Variants in MIX23 observed in about 807,000 individuals in gnomAD.
The protein encoded by MIX23 is protein MIX23.
MIX23 carries 13 observed loss-of-function variants against 21.6 expected under a neutral mutation model. The ratio of observed to expected loss-of-function variants is 0.60; its 90% confidence interval spans 0.39 to 0.96. The LOEUF (loss-of-function observed/expected upper bound fraction) is 0.96, where lower values mean the gene tolerates loss of function less well. Among genes scored for constraint, MIX23 ranks in the 40% least tolerant of loss-of-function variants. The pLI is 0.00. For synonymous variants in MIX23, 59 were observed against 58.0 expected (o/e 1.02, Z -0.08); for missense variants, 144 against 171.2 (o/e 0.84, Z 0.89).
At chr3:122,370,479 A>AAAAAAAAG (rs2075433003) in intron 2 of MIX23, among the ~76,000 whole-genome samples, 1 of 151,444 alleles carries the variant, frequency 6.6e-6, no homozygotes, top group Non-Finnish European at 1.5e-5. Flanking sequence ...AAAAAAAAAA[A>AAAAAAAAG]AACTGAGGCA....
chr3:122,375,193 T>C (rs919209346), intron 1 of MIX23, among the ~76,000 whole-genome samples: 1 of 152,124 alleles, frequency 6.6e-6, no homozygotes, highest in Non-Finnish European at 1.5e-5. Context: ...TAGTTGGACT[T>C]AGGATATATT....
At chr3:122,379,654 A>C (rs547317981) in intron 1 of MIX23, among the ~76,000 whole-genome samples, 63 of 152,360 alleles carry the variant, frequency 4.1e-4, no homozygotes, top group African/African-American at 1.4e-3. Context: ...TGAACAGAAC[A>C]GACATTATAC....
At chr3:122,376,946 A>G (rs2075492183) in intron 1 of MIX23, among the ~76,000 whole-genome samples, 1 of 152,160 alleles carries the variant, frequency 6.6e-6, no homozygotes, top group Non-Finnish European at 1.5e-5. Flanking sequence ...GCACTTTGGG[A>G]GGCTGAGGTG....
intron 4 of MIX23, among the ~76,000 whole-genome samples, chr3:122,362,620 T>C (rs1271312606): frequency 2.0e-5 from 3 of 152,088 alleles, no homozygotes; most frequent in Non-Finnish European, 4.4e-5. Context: ...TAGCTGGGAT[T>C]ACAGGCTCAT....
chr3:122,366,058 A>G (rs1355359117), intron 3 of MIX23, among the ~76,000 whole-genome samples: 1 of 151,848 alleles, frequency 6.6e-6, no homozygotes, highest in Non-Finnish European at 1.5e-5. Flanking sequence ...GGCACCTGTA[A>G]CCCCAGCTAC....
chr3:122,370,396 G>A (rs1449843228), intron 2 of MIX23, among the ~76,000 whole-genome samples: 5 of 137,294 alleles, frequency 3.6e-5, no homozygotes, highest in South Asian at 4.7e-4. Flanking sequence ...GGTGGAGGCT[G>A]CACTGAGCTG....
In MIX23 at chr3:122,363,034, G is replaced by GAAA; in HGVS notation, c.325-10_325-8dup. 6.2e-6 allele frequency: 8 copies of GAAA among 1,300,446 alleles called. No individual in the cohort carries two copies. The highest frequency in any genetic ancestry group is 8.3e-6 in the Non-Finnish European group (8 of 963,914). 80.6% of individuals were successfully genotyped at this position (1,300,446 alleles called of 1,614,324 possible). A position where few individuals can be genotyped will look rare whatever the true frequency, so the allele number is the denominator to read the frequency against. On this transcript the variant is annotated splice_polypyrimidine_tract_variant and splice_region_variant and intron_variant, in intron 3 of 4. Coordinates refer to ENST00000291458, the MANE Select transcript of MIX23 (RefSeq NM_001017928.4). ...CTGACTGCATCCATTTCAACTGCAA[G>GAAA]AAAAAAAAAAATTGAAGTTATAAAA... is the stretch of plus-strand genomic sequence containing the variant.
intron 4 of MIX23, 32 bp downstream of exon 4, chr3:122,362,936 A>C: frequency 6.3e-7 from 1 of 1,588,812 alleles, no homozygotes; most frequent in Non-Finnish European, 8.6e-7. Flanking sequence ...TTTCCCTCCT[A>C]CTTCTTTCCA....
At chr3:122,371,870 A>G in intron 1 of MIX23, 70 bp from the exon 2 acceptor site, 1 of 1,320,984 alleles carries the variant, frequency 7.6e-7, no homozygotes, top group East Asian at 2.4e-5. Context: ...GCATTTAAGT[A>G]AAAAATAAAG....
At chr3:122,370,829 A>T (rs1221367382) in intron 2 of MIX23, among the ~76,000 whole-genome samples, 1 of 152,216 alleles carries the variant, frequency 6.6e-6, no homozygotes, top group Non-Finnish European at 1.5e-5. Flanking sequence ...TGATTTTCTC[A>T]AAGAAGACTT....
In MIX23 at chr3:122,382,466, A is replaced by G. The variant is rs372522168; in HGVS notation, c.51+708T>C. On this transcript the variant is annotated intron_variant, in intron 1 of 4. Transcript: ENST00000291458. Reference sequence around the variant, plus strand: ...GTATCTTGGGTTAGTTAATAATGCAATACATATTTAAGATCATGATTTTGG... The same window carrying G: ...GTATCTTGGGTTAGTTAATAATGCAGTACATATTTAAGATCATGATTTTGG... Among the ~76,000 whole-genome samples, 10 of 152,356 alleles carry G rather than the reference A, an allele frequency of 6.6e-5. 1 individual carries two copies. The highest frequency in any genetic ancestry group is 3.9e-4 in the East Asian group (2 of 5,194).
chr3:122,374,541 G>A (rs950971236), intron 1 of MIX23, among the ~76,000 whole-genome samples: 1 of 152,160 alleles, frequency 6.6e-6, no homozygotes, highest in Non-Finnish European at 1.5e-5. Context: ...ACTGTATTGT[G>A]TAGGGTATGA....
In MIX23 at chr3:122,368,428, A is replaced by C. The variant is rs147014201; in HGVS notation, c.178-106T>G. ...AGACTATAGAAATTCAATACTTTCT[A>C]AAACAATTTCTGACGACTGAAACCA... On this transcript the variant is annotated intron_variant, in intron 2 of 4. Transcript: ENST00000291458. 254 of 1,139,512 alleles carry C rather than the reference A, an allele frequency of 2.2e-4. No homozygotes were observed. The African/African-American group carries it at 3.7e-3, about 17-fold the overall frequency. The allele number at this position is 1,139,512 out of a possible 1,614,324, so 70.6% of individuals were successfully genotyped here. A position where few individuals can be genotyped will look rare whatever the true frequency, so the allele number is the denominator to read the frequency against.
intron 4 of MIX23, among the ~76,000 whole-genome samples, chr3:122,361,462 C>T (rs763099962): frequency 1.8e-4 from 27 of 152,264 alleles, no homozygotes; most frequent in Non-Finnish European, 2.8e-4. Context: ...AAATGATTTC[C>T]TATCCACTTC....
intron 3 of MIX23, among the ~76,000 whole-genome samples, chr3:122,365,092 G>A (rs978432996): frequency 6.6e-6 from 1 of 152,164 alleles, no homozygotes; most frequent in Non-Finnish European, 1.5e-5. Flanking sequence ...TTGTCTTTGA[G>A]ACTGTAGGTC....
At chr3:122,368,090 G>T in intron 3 of MIX23, 86 bp downstream of exon 3, 1 of 1,293,694 alleles carries the variant, frequency 7.7e-7, no homozygotes, top group Non-Finnish European at 1.1e-6. Flanking sequence ...CATATTATAT[G>T]CCAAAATTTT....
chr3:122,372,488 GAACAAC>G (rs912845080), intron 1 of MIX23, among the ~76,000 whole-genome samples: 5 of 151,868 alleles, frequency 3.3e-5, no homozygotes, highest in African/African-American at 7.2e-5. Flanking sequence ...ACAAGAACAA[GAACAAC>G]AACAACAACA....
chr3:122,376,112 G>A lies in MIX23; in HGVS notation c.52-4312C>T, dbSNP rs988020397. On this transcript the variant is annotated intron_variant, in intron 1 of 4. Transcript: ENST00000291458. ...AGGGAGGCAGAGGTTGCAGTGAGCC[G>A]AGATCGTGCCACTGCATTCCAGCCT... is the stretch of plus-strand genomic sequence containing the variant. Among the ~76,000 whole-genome samples, 4 of 137,726 alleles carry A rather than the reference G, an allele frequency of 2.9e-5. No homozygotes were observed. In the East Asian group the frequency reaches 7.0e-4, roughly 24 times the overall value. The allele number at this position is 137,726 out of a possible 152,430, so 90.4% of individuals were successfully genotyped here. A position where few individuals can be genotyped will look rare whatever the true frequency, so the allele number is the denominator to read the frequency against.
intron 3 of MIX23, chr3:122,366,712 G>A (rs977424491): frequency 2.0e-5 from 3 of 152,174 alleles, no homozygotes; most frequent in African/African-American, 7.2e-5. Context: ...GCTGAGGAAG[G>A]TGGATCACTT....
Sources: allele counts gnomAD v4.1 joint callset (sites outside exome capture counted in the v4.1 genomes callset), GRCh38; gene constraint gnomAD v4.1.1; transcripts MANE v1.5; gene names NCBI Gene and HGNC (gene_info 2026-07-23, HGNC 2026-07-21).